CEP164: variants seen among roughly 807,000 people sequenced by gnomAD.
The protein encoded by CEP164 is centrosomal protein of 164 kDa.
A neutral mutation model predicts 182.7 loss-of-function variants in CEP164; 162 were observed. The ratio of observed to expected loss-of-function variants is 0.89; its 90% CI spans 0.78 to 1.01. The LOEUF is 1.01. CEP164 is among the 50% of genes least tolerant of loss of function. The pLI, the probability that CEP164 is intolerant of heterozygous loss-of-function variation, is 0.00. For missense variants in CEP164, 1,735 were observed against 1,790.4 expected (o/e 0.97, Z 0.56); for synonymous variants, 661 against 690.0 (o/e 0.96, Z 0.66).
intron 14 of CEP164, among the ~76,000 whole-genome samples, chr11:117,383,391 C>G (rs955552061): frequency 7.9e-5 from 12 of 152,170 alleles, no homozygotes; most frequent in Non-Finnish European, 5.9e-5. Flanking sequence ...CTCCATCCCT[C>G]GAGGAAGTTT....
chr11:117,338,547 G>A lies in CEP164; in HGVS notation c.-21-19G>A, dbSNP rs1408131337. ...TGGTCACTGATTTTTCTCTTTTGGT[G>A]GGGGCCTCTGGGATCTAGGTGTTTG... On this transcript the variant is annotated intron_variant, in intron 2 of 32. Coordinates refer to ENST00000278935, the MANE Select transcript of CEP164 (RefSeq NM_014956.5). 1 of 1,557,274 alleles carries A rather than the reference G, an allele frequency of 6.4e-7. No individual in the cohort carries two copies. The highest frequency in any genetic ancestry group is 8.9e-7 in the Non-Finnish European group (1 of 1,128,874).
intron 15 of CEP164, among the ~76,000 whole-genome samples, chr11:117,390,212 G>C (rs2044454576): frequency 6.6e-6 from 1 of 151,964 alleles, no homozygotes; most frequent in Admixed American, 6.6e-5. Flanking sequence ...CAAAGTGCTG[G>C]GATTACGGGT....
chr11:117,355,562 C>T (rs1390892023), intron 5 of CEP164: 3 of 1,231,694 alleles, frequency 2.4e-6, no homozygotes. Flanking sequence ...TGAGGAGGAG[C>T]CCTCCCTGTC....
chr11:117,405,933 A>G (rs911032610), intron 27 of CEP164, among the ~76,000 whole-genome samples: 2 of 152,190 alleles, frequency 1.3e-5, no homozygotes, highest in Admixed American at 6.5e-5. Flanking sequence ...TCATATCACT[A>G]TCAGCATTTT....
At chr11:117,365,465 G>A (rs2041522783) in intron 8 of CEP164, among the ~76,000 whole-genome samples, 1 of 152,168 alleles carries the variant, frequency 6.6e-6, no homozygotes, top group African/African-American at 2.4e-5. Context: ...AGATCCTGAT[G>A]TGGATTGATC....
At position 117,387,407 on chromosome 11, in the gene CEP164, T is replaced by C. The variant is rs2044092329; in HGVS notation, c.1929T>C (p.Ser643=). 1 of 1,613,888 alleles carries C rather than the reference T, an allele frequency of 6.2e-7. No homozygotes were observed. Among genetic ancestry groups the C allele is most frequent in the African/African-American group, 1.3e-5 (1 of 74,926 alleles). ...ILRLHQQKEQ[S]LSSLRERLQK... ...GGCTTCACCAGCAGAAAGAGCAATC[T>C]CTCAGGTCCTGCCCTTCCCCTTAGG... The change falls in exon 15 of 33, where the codon TCT becomes TCC. Residue 643 remains serine (S), a synonymous_variant. Transcript: ENST00000278935.
intron 24 of CEP164, 42 bp from the exon 25 acceptor site, chr11:117,396,012 G>A (rs747834473): frequency 1.4e-5 from 23 of 1,612,050 alleles, no homozygotes; most frequent in East Asian, 8.9e-5. Flanking sequence ...CCCCCCCATC[G>A]CCAGCCGCTG....
At chr11:117,372,108 A>ATTT (rs33975593) in intron 9 of CEP164, among the ~76,000 whole-genome samples, 38,931 of 133,130 alleles carry the variant, frequency 0.29, 6,095 homozygotes, top group Middle Eastern at 0.35. Flanking sequence ...AGTTCAGGGT[A>ATTT]TTTTTTTTTT....
intron 8 of CEP164, among the ~76,000 whole-genome samples, chr11:117,367,174 G>T (rs2041732203): frequency 6.6e-6 from 1 of 152,212 alleles, no homozygotes. Flanking sequence ...GAGACAAGGG[G>T]GCAGGGGCCA....
In CEP164 at chr11:117,387,458, T is replaced by C. The variant is rs976519273; in HGVS notation, c.1934+46T>C. The C allele has an allele frequency of 3.2e-6, 5 of 1,587,238 alleles. No individual in the cohort carries two copies. The Admixed American group carries it at 8.5e-5, about 27-fold the overall frequency. On this transcript the variant is annotated intron_variant, in intron 15 of 32. Coordinates refer to ENST00000278935, the MANE Select transcript of CEP164 (RefSeq NM_014956.5). ...CATGCTTCCTGGGGCCTTTCAGGGA[T>C]GTGAGGAGCCAGGGACACCCTCTTA...
In CEP164 at chr11:117,391,027, CTG is replaced by C. The variant is rs1206022387; in HGVS notation, c.2096_2097del (p.Leu699GlnfsTer11). 1.2e-6 allele frequency: 2 copies of C among 1,614,092 alleles called. No homozygotes were observed. The highest frequency in any genetic ancestry group is 2.2e-5 in the East Asian group (1 of 44,852). On this transcript the variant is annotated frameshift_variant, in exon 17 of 33. Coordinates refer to ENST00000278935, the MANE Select transcript of CEP164 (RefSeq NM_014956.5). LOFTEE classifies it high-confidence loss of function. ...TGAGCAAGAGGCTTCCCTGCAGAAA[CTG>C]AGAGAAGAGTTGGAGTCTCAACAGA... ...RAEQEASLQK[L>X]REELESQQKA...
intron 11 of CEP164, among the ~76,000 whole-genome samples, chr11:117,376,340 G>A (rs2042741348): frequency 6.6e-6 from 1 of 152,176 alleles, no homozygotes; most frequent in Non-Finnish European, 1.5e-5. Context: ...TTGTTTGATG[G>A]TTGTTTGTCT....
chr11:117,362,025 A>G (rs568657159), intron 6 of CEP164, 32 bp downstream of exon 6: 5 of 1,528,054 alleles, frequency 3.3e-6, no homozygotes, highest in Non-Finnish European at 4.4e-6. Flanking sequence ...CAGTGTCTGT[A>G]GTTCCTGTGG....
In CEP164 at chr11:117,412,156, G is replaced by A. The variant is rs781453124; in HGVS notation, c.4371G>A (p.Val1457=). ...LGLDEHNRVK[V]YRF ...TTGATGAGCACAACAGAGTGAAGGT[G>A]TATCGCTTCTGAGGCCCTGAGCAGG... The change falls in exon 33 of 33, where the codon GTG becomes GTA. Residue 1457 remains valine (V), a synonymous_variant. Transcript: ENST00000278935. The A allele has an allele frequency of 1.2e-5, 20 of 1,613,984 alleles. No individual in the cohort carries two copies. In the African/African-American group the frequency reaches 2.4e-4, roughly 19 times the overall value.
At chr11:117,341,983 C>G (rs1158292961) in intron 3 of CEP164, among the ~76,000 whole-genome samples, 1 of 151,644 alleles carries the variant, frequency 6.6e-6, no homozygotes, top group African/African-American at 2.4e-5. Flanking sequence ...AGTGCAATAG[C>G]TCGATTCCTT....
chr11:117,337,418 A>G (rs1463179632), intron 2 of CEP164, among the ~76,000 whole-genome samples: 1 of 149,062 alleles, frequency 6.7e-6, no homozygotes, highest in East Asian at 2.0e-4. Flanking sequence ...CAATATGTGT[A>G]TTTTTCTTAC....
Position 117,395,626 on chromosome 11 carries a change from G to C in CEP164, c.2993G>C (p.Arg998Pro), listed in dbSNP as rs562263740. 1.5e-5 allele frequency: 25 copies of C among 1,613,824 alleles called. No individual in the cohort carries two copies. Among genetic ancestry groups the C allele is most frequent in the Middle Eastern group, 1.7e-4 (1 of 5,948 alleles). The change falls in exon 24 of 33, where the codon CGA (arginine) becomes CCA (proline). Residue 998 changes from arginine (R) to proline (P), a missense_variant. Physicochemically the swap from Arg to Pro is moderately radical, Grantham distance 103 (BLOSUM62 -2). Coordinates refer to ENST00000278935, the MANE Select transcript of CEP164 (RefSeq NM_014956.5). Reference protein sequence around the residue: ...THLLQSNQQLREILDELQARK... With the variant: ...THLLQSNQQLPEILDELQARK... ...CTGTTGCAGTCAAACCAGCAGCTCC[G>C]AGAAATTCTTGATGAGCTGCAGGCC...
intron 5 of CEP164, 124 bp downstream of exon 5, chr11:117,352,112 A>G (rs1565455961): frequency 2.5e-6 from 2 of 801,158 alleles, no homozygotes; most frequent in Non-Finnish European, 3.9e-6. Context: ...AATTCTTGAT[A>G]GTATATCATC....
chr11:117,332,352 A>T (rs982139123), intron 1 of CEP164, among the ~76,000 whole-genome samples: 2 of 152,136 alleles, frequency 1.3e-5, no homozygotes, highest in African/African-American at 2.4e-5. Context: ...AGGCGGGTGG[A>T]TCACCTGAGG....
Sources: gnomAD v4.1 joint callset for allele counts (sites outside exome capture counted in the v4.1 genomes callset) on GRCh38, gnomAD v4.1.1 for gene constraint, MANE v1.5 for transcripts, NCBI Gene and HGNC (gene_info 2026-07-23, HGNC 2026-07-21) for gene names.